The following DNAI7 variants were observed in gnomAD, a reference collection of about 807,000 sequenced individuals.
The protein encoded by DNAI7 is cancer susceptibility 1.
DNAI7 carries 78 observed loss-of-function variants against 86.6 expected under a neutral mutation model. That is an observed-to-expected ratio of 0.90 (90% CI 0.75 to 1.09). The LOEUF (loss-of-function observed/expected upper bound fraction) is 1.09, where lower values mean the gene tolerates loss of function less well. DNAI7 is among the 50% of genes least tolerant of loss of function. The pLI is 0.00. For missense variants in DNAI7, 753 were observed against 810.2 expected (o/e 0.93, Z 0.86); for synonymous variants, 274 against 273.0 (o/e 1.00, Z -0.04).
rs200139187 is a variant in DNAI7, at chr12:25,146,996, G to T, written c.689+5C>A. ...CTACAGGGAAAGTATTGCCCACAAG[G>T]GTACCTTGGATTCTTCTTGAGGTTT... is the stretch of plus-strand genomic sequence containing the variant. On this transcript the variant is annotated splice_donor_5th_base_variant and intron_variant, in intron 8 of 15. Transcript: ENST00000395987. 1.0e-5 allele frequency: 15 copies of T among 1,472,842 alleles called. No individual in the cohort carries two copies. The East Asian group carries it at 2.9e-4, about 29-fold the overall frequency. 91.2% of individuals were successfully genotyped at this position (1,472,842 alleles called of 1,614,324 possible). A position where few individuals can be genotyped will look rare whatever the true frequency, so the allele number is the denominator to read the frequency against.
At chr12:25,130,510 C>A (rs1318968711) in intron 9 of DNAI7, among the ~76,000 whole-genome samples, 3 of 150,288 alleles carry the variant, frequency 2.0e-5, no homozygotes, top group African/African-American at 7.3e-5. Flanking sequence ...GCACTCCGGC[C>A]TGGGCGAAAG....
chr12:25,132,805 T>A (rs1025079280), intron 9 of DNAI7, among the ~76,000 whole-genome samples: 5 of 150,476 alleles, frequency 3.3e-5, no homozygotes, highest in Non-Finnish European at 7.4e-5. Context: ...ATTTCTTTTC[T>A]CAGCTGCCTG....
At chr12:25,169,922 C>T (rs1233856101) in intron 2 of DNAI7, among the ~76,000 whole-genome samples, 2 of 151,810 alleles carry the variant, frequency 1.3e-5, no homozygotes, top group Non-Finnish European at 2.9e-5. Flanking sequence ...CTATCTGCTG[C>T]CTTCAGGGGA....
Position 25,195,145 on chromosome 12 carries a change from G to C in DNAI7, c.-67C>G, listed in dbSNP as rs918521528. 26 of 1,553,426 alleles carry C rather than the reference G, an allele frequency of 1.7e-5. No individual in the cohort carries two copies. Among genetic ancestry groups the C allele is most frequent in the Non-Finnish European group, 2.3e-5 (26 of 1,125,898 alleles). On this transcript the variant is annotated 5_prime_UTR_variant, in exon 1 of 16. Coordinates refer to ENST00000395987, the MANE Select transcript of DNAI7 (RefSeq NM_018272.5). ...AGAAATTGTGTGGACAAACGCTCCCGGGTTGCCCGGACGACAGGCCCCGCC... is the reference window on the plus strand; with the variant it reads ...AGAAATTGTGTGGACAAACGCTCCCCGGTTGCCCGGACGACAGGCCCCGCC...
At position 25,182,957 on chromosome 12, in the gene DNAI7, G is replaced by A. The variant is rs1949680668; in HGVS notation, c.21+7657C>T. Among the ~76,000 whole-genome samples the A allele has an allele frequency of 2.7e-5, 4 of 149,894 alleles. No individual in the cohort carries two copies. The South Asian group carries it at 8.6e-4, about 32-fold the overall frequency. ...GGAATGAAAGGAAGGGAGGAAGGGA[G>A]GAAGGGAGGAAGGGAGGAAGGGAAG... On this transcript the variant is annotated intron_variant, in intron 2 of 15. Transcript: ENST00000395987.
At chr12:25,167,346 G>A (rs1160949509) in intron 2 of DNAI7, among the ~76,000 whole-genome samples, 3 of 151,790 alleles carry the variant, frequency 2.0e-5, no homozygotes, top group Non-Finnish European at 4.4e-5. Context: ...ATTTGCCCCC[G>A]CCCAGGACTG....
chr12:25,139,104 TAAAG>T (rs1371060646), intron 9 of DNAI7, among the ~76,000 whole-genome samples: 1 of 151,794 alleles, frequency 6.6e-6, no homozygotes, highest in East Asian at 1.9e-4. Flanking sequence ...CCAGAAAACT[TAAAG>T]GAGATGAATA....
At chr12:25,163,315 A>G (rs1947047132) in intron 2 of DNAI7, among the ~76,000 whole-genome samples, 1 of 152,048 alleles carries the variant, frequency 6.6e-6, no homozygotes, top group African/African-American at 2.4e-5. Flanking sequence ...TTCCGCCACA[A>G]AAAAAGTGAA....
At chr12:25,170,690 G>A (rs1042864734) in intron 2 of DNAI7, among the ~76,000 whole-genome samples, 1 of 152,078 alleles carries the variant, frequency 6.6e-6, no homozygotes, top group African/African-American at 2.4e-5. Context: ...CTATTCAACA[G>A]CACATGGAAC....
intron 4 of DNAI7, among the ~76,000 whole-genome samples, chr12:25,155,908 G>A (rs1162484126): frequency 2.0e-5 from 3 of 152,124 alleles, no homozygotes; most frequent in African/African-American, 4.8e-5. Flanking sequence ...TCAGGAGTTC[G>A]AGACCAGCCA....
chr12:25,174,098 T>G lies in DNAI7; in HGVS notation c.22-12901A>C, dbSNP rs373965890. ...TTTGTATATCTTCTTTTGAGAATTG[T>G]GTATTCATGTCCTTAGCCCACTTTT... is the stretch of plus-strand genomic sequence containing the variant. On this transcript the variant is annotated intron_variant, in intron 2 of 15. Coordinates refer to ENST00000395987, the MANE Select transcript of DNAI7 (RefSeq NM_018272.5). Among the ~76,000 whole-genome samples, 42 of 148,566 alleles carry G rather than the reference T, an allele frequency of 2.8e-4. 1 individual carries two copies. In the East Asian group the frequency reaches 8.2e-3, roughly 29 times the overall value.
chr12:25,148,059 T>C, intron 7 of DNAI7, among the ~76,000 whole-genome samples: 1 of 152,122 alleles, frequency 6.6e-6, no homozygotes, highest in East Asian at 1.9e-4. Context: ...AACTTTAAAA[T>C]GTTGAAGATT....
chr12:25,162,999 T>G (rs1592539365), intron 2 of DNAI7, among the ~76,000 whole-genome samples: 1 of 152,182 alleles, frequency 6.6e-6, no homozygotes. Flanking sequence ...ACAGACCCTG[T>G]GAAGGGAGCG....
intron 9 of DNAI7, among the ~76,000 whole-genome samples, chr12:25,138,582 T>C (rs967370231): frequency 6.6e-6 from 1 of 152,148 alleles, no homozygotes; most frequent in African/African-American, 2.4e-5. Context: ...AAATGAAAAT[T>C]AAATAATCTG....
chr12:25,164,878 A>C (rs936293644), intron 2 of DNAI7, among the ~76,000 whole-genome samples: 16 of 132,042 alleles, frequency 1.2e-4, no homozygotes, highest in Non-Finnish European at 1.9e-4. Context: ...TCATTTTATC[A>C]CCTCCCCTCC....
At chr12:25,123,880 A>G (rs1446751543) in intron 9 of DNAI7, among the ~76,000 whole-genome samples, 1 of 152,204 alleles carries the variant, frequency 6.6e-6, no homozygotes, top group Non-Finnish European at 1.5e-5. Context: ...ACTGTGTATC[A>G]GACATATAAC....
chr12:25,180,526 A>G (rs919879724), intron 2 of DNAI7, among the ~76,000 whole-genome samples: 2 of 152,190 alleles, frequency 1.3e-5, no homozygotes, highest in African/African-American at 4.8e-5. Flanking sequence ...TCACGTTACC[A>G]AACTTCAAAA....
downstream of DNAI7, chr12:25,107,857 T>G (rs1283582559): frequency 1.9e-6 from 3 of 1,613,890 alleles, no homozygotes; most frequent in African/African-American, 1.3e-5. Context: ...TCTCAAGTCC[T>G]CCATCAGAAA....
chr12:25,153,414 C>T (rs1945794843), intron 6 of DNAI7, among the ~76,000 whole-genome samples: 1 of 152,048 alleles, frequency 6.6e-6, no homozygotes, highest in African/African-American at 2.4e-5. Context: ...GAGCGAGATG[C>T]CGTCTCAAAA....
Sources: gnomAD v4.1 joint callset for allele counts (sites outside exome capture counted in the v4.1 genomes callset) on GRCh38, gnomAD v4.1.1 for gene constraint, MANE v1.5 for transcripts, NCBI Gene and HGNC (gene_info 2026-07-23, HGNC 2026-07-21) for gene names.